Variants in THADA observed in about 807,000 individuals in gnomAD.
The protein encoded by THADA is tRNA (32-2'-O)-methyltransferase regulator THADA.
THADA carries 213 observed loss-of-function variants against 219.8 expected under a neutral mutation model. That is an observed-to-expected ratio of 0.97 (90% CI 0.87 to 1.09). THADA has a LOEUF of 1.09. THADA is among the 50% of genes least tolerant of loss of function. THADA has a pLI of 0.00. For missense variants in THADA, 2,956 were observed against 2,311.3 expected, an observed-to-expected ratio of 1.28 and a Z score of -5.72; for synonymous variants, 1,018 against 828.9, an observed-to-expected ratio of 1.23 and a Z score of -3.92.
rs1667629631 is a variant in THADA, at chr2:43,233,088, GA to G, written c.5297-207del. ...TACTGTTAGAATGAGTCATAGGCCT[GA>G]ACCCACTGTTTCCATGCCCCCTAAC... On this transcript the variant is annotated intron_variant, in intron 36 of 37. Coordinates refer to ENST00000405975, the MANE Select transcript of THADA (RefSeq NM_022065.5). The G allele has an allele frequency of 1.5e-5, 9 of 580,738 alleles. No individual in the cohort carries two copies. The East Asian group carries it at 2.6e-4, about 16-fold the overall frequency. The allele number at this position is 580,738 out of a possible 1,614,324, so 36.0% of individuals were successfully genotyped here.
intron 36 of THADA, among the ~76,000 whole-genome samples, chr2:43,271,612 CTTT>C (rs11365531): frequency 0.014 from 1,674 of 118,588 alleles, 17 homozygotes; most frequent in African/African-American, 0.048. Flanking sequence ...ACTCTTGGAA[CTTT>C]TTTTTTTTTT....
chr2:43,394,667 C>G (rs1431660805), intron 29 of THADA, among the ~76,000 whole-genome samples: 4 of 152,158 alleles, frequency 2.6e-5, no homozygotes, highest in African/African-American at 9.7e-5. Context: ...CCAACTTAAC[C>G]CTTTATGCTT....
At chr2:43,572,452 C>G (rs1170307483) in intron 12 of THADA, among the ~76,000 whole-genome samples, 1 of 152,182 alleles carries the variant, frequency 6.6e-6, no homozygotes, top group Non-Finnish European at 1.5e-5. Context: ...CCAAGGCTTC[C>G]TCTTTTCTAA....
chr2:43,383,860 ATT>A (rs1044754350), intron 29 of THADA, among the ~76,000 whole-genome samples: 6 of 152,184 alleles, frequency 3.9e-5, no homozygotes, highest in African/African-American at 1.4e-4. Flanking sequence ...CAATTCTTAA[ATT>A]TATACAAAAA....
At chr2:43,581,012 T>A (rs146840011) in intron 8 of THADA, among the ~76,000 whole-genome samples, 1 of 152,162 alleles carries the variant, frequency 6.6e-6, no homozygotes, top group East Asian at 1.9e-4. Flanking sequence ...TGTTTTTAAT[T>A]AAGTTACATT....
chr2:43,447,562 C>T (rs1389879238), intron 26 of THADA, among the ~76,000 whole-genome samples: 4 of 152,140 alleles, frequency 2.6e-5, no homozygotes, highest in Non-Finnish European at 2.9e-5. Context: ...GTCACAAATG[C>T]TAAAACACAA....
At chr2:43,534,740 C>A (rs547017928) in intron 21 of THADA, among the ~76,000 whole-genome samples, 1 of 152,140 alleles carries the variant, frequency 6.6e-6, no homozygotes, top group Admixed American at 6.6e-5. Flanking sequence ...AGGTTGATTA[C>A]GTACCTTGTG....
intron 9 of THADA, 77 bp downstream of exon 9, chr2:43,578,436 T>C: frequency 1.7e-6 from 2 of 1,193,194 alleles, no homozygotes; most frequent in South Asian, 2.8e-5. Context: ...TGTGAGCCAC[T>C]GCACCAAGCC....
rs138459991 is a variant in THADA, at chr2:43,392,384, T to C, written c.4227+5587A>G. 5.3e-3 allele frequency among the ~76,000 whole-genome samples: 809 copies of C among 152,182 alleles called. 5 individuals carry two copies. The highest frequency in any genetic ancestry group is 0.018 in the African/African-American group (758 of 41,528). ...CCTTATTTAAGAAACTCCAGTAGAG[T>C]TGACACTTAAGGTTACCTCTATCAC... On this transcript the variant is annotated intron_variant, in intron 29 of 37. Coordinates refer to ENST00000405975, the MANE Select transcript of THADA (RefSeq NM_022065.5).
rs1380321185 is a variant in THADA, at chr2:43,586,987, C to T, written c.318G>A (p.Leu106=). Residue 106 remains leucine (L), a synonymous_variant, in exon 5 of 38, where the codon CTG becomes CTA. Transcript: ENST00000405975. ...KKVLASSLNS[L]PDFFLPEAMH... is the part of the protein sequence containing the mutation. ...TAGCCTCAGGTAGAAAAAAATCAGG[C>T]AGGCTATTTAGTGAGCTAGAAAAAG... 1 of 1,613,222 alleles carries T rather than the reference C, an allele frequency of 6.2e-7. No homozygotes were observed. The highest frequency in any genetic ancestry group is 1.1e-5 in the South Asian group (1 of 90,952).
chr2:43,531,712 G>C (rs1049710149), intron 21 of THADA, among the ~76,000 whole-genome samples: 2 of 152,032 alleles, frequency 1.3e-5, no homozygotes, highest in African/African-American at 4.8e-5. Context: ...GAAAACCTCT[G>C]AAAACTCCAA....
At chr2:43,252,962 C>T (rs1453355477) in intron 36 of THADA, among the ~76,000 whole-genome samples, 1 of 152,170 alleles carries the variant, frequency 6.6e-6, no homozygotes, top group Admixed American at 6.5e-5. Flanking sequence ...CAATCTTTTC[C>T]CTGTCTCTAC....
At chr2:43,336,850 G>C (rs1241955561) in intron 30 of THADA, among the ~76,000 whole-genome samples, 4 of 152,168 alleles carry the variant, frequency 2.6e-5, no homozygotes, top group African/African-American at 9.7e-5. Context: ...TGGGAGCTCA[G>C]GTAACCTAAT....
At chr2:43,528,113 A>G in intron 21 of THADA, 125 bp from the exon 22 acceptor site, 1 of 455,888 alleles carries the variant, frequency 2.2e-6, no homozygotes. Flanking sequence ...CATATGACAG[A>G]ACATGTTTTA....
Position 43,556,436 on chromosome 2 carries a change from T to C in THADA, c.2583A>G (p.Leu861=), listed in dbSNP as rs1697355207. ...TTAAGTAGGCAGACAAGGATGACGG[T>C]AGAGCATCCTGCCAGATTAAGAAGT... ...LLNFLIWQDA[L]PSSLSAYLTQ... Residue 861 remains leucine, a synonymous_variant, in exon 17 of 38, where the codon CTA becomes CTG. Transcript: ENST00000405975. The C allele has an allele frequency of 1.2e-6, 2 of 1,613,728 alleles. No individual in the cohort carries two copies. The highest frequency in any genetic ancestry group is 1.1e-5 in the South Asian group (1 of 91,078).
intron 34 of THADA, among the ~76,000 whole-genome samples, chr2:43,288,891 AT>A (rs1572926060): frequency 1.3e-5 from 2 of 152,184 alleles, no homozygotes; most frequent in East Asian, 3.8e-4. Context: ...ACCACGGTCA[AT>A]TTCAGAACAT....
At chr2:43,403,546 T>C (rs1318590519) in intron 28 of THADA, among the ~76,000 whole-genome samples, 2 of 152,026 alleles carry the variant, frequency 1.3e-5, no homozygotes, top group Non-Finnish European at 2.9e-5. Flanking sequence ...GGCTTCAAAG[T>C]CTCCAAATGG....
chr2:43,344,767 T>G (rs1410876090), intron 29 of THADA, among the ~76,000 whole-genome samples: 2 of 151,090 alleles, frequency 1.3e-5, no homozygotes, highest in Non-Finnish European at 3.0e-5. Context: ...GGGTTTTTTT[T>G]GTTTTTTTTT....
At chr2:43,433,359 C>T (rs1334451269) in intron 26 of THADA, among the ~76,000 whole-genome samples, 2 of 151,996 alleles carry the variant, frequency 1.3e-5, no homozygotes, top group Non-Finnish European at 2.9e-5. Flanking sequence ...GAGAAACTGT[C>T]TCTACTAAAA....
Sources: gnomAD v4.1 joint callset for allele counts (sites outside exome capture counted in the v4.1 genomes callset) on GRCh38, gnomAD v4.1.1 for gene constraint, MANE v1.5 for transcripts, NCBI Gene and HGNC (gene_info 2026-07-23, HGNC 2026-07-21) for gene names.